Variants in GNAI1 observed in about 807,000 individuals in gnomAD.
The protein encoded by GNAI1 is guanine nucleotide-binding protein G(i) subunit alpha-1.
A neutral mutation model predicts 38.9 loss-of-function variants in GNAI1; 11 were observed. That is an observed-to-expected ratio of 0.28 (90% CI 0.18 to 0.47). The LOEUF (loss-of-function observed/expected upper bound fraction) is 0.47. GNAI1 is among the 20% of genes least tolerant of loss of function. The pLI, the probability that GNAI1 is intolerant of heterozygous loss-of-function variation, is 0.99. For synonymous variants in GNAI1, 166 were observed against 145.1 expected (o/e 1.14, Z -1.04); for missense variants, 317 against 436.9 (o/e 0.73, Z 2.45).
intron 1 of GNAI1, among the ~76,000 whole-genome samples, chr7:80,152,544 A>AT (rs772045930): frequency 5.5e-5 from 8 of 145,006 alleles, no homozygotes; most frequent in Non-Finnish European, 1.2e-4. Flanking sequence ...CTGGGGGTAG[A>AT]TTCGGTCTCA....
At chr7:80,197,356 T>G (rs553679801) in intron 3 of GNAI1, among the ~76,000 whole-genome samples, 23 of 152,082 alleles carry the variant, frequency 1.5e-4, no homozygotes, top group African/African-American at 4.8e-4. Context: ...TCTTAAGTCT[T>G]TACTTCAGGC....
intron 5 of GNAI1, 37 bp downstream of exon 5, chr7:80,203,869 A>G: frequency 8.8e-7 from 1 of 1,142,578 alleles, no homozygotes; most frequent in East Asian, 2.6e-5. Flanking sequence ...CTAAATTTAG[A>G]TAAAAACACA....
chr7:80,217,233 A>C, intron 7 of GNAI1, 70 bp from the exon 8 acceptor site: 10 of 1,034,810 alleles, frequency 9.7e-6, no homozygotes, highest in Non-Finnish European at 1.4e-5. Context: ...TATGTATGAA[A>C]CTGAATTCAG....
Position 80,221,656 on chromosome 7 carries a change from T to A in GNAI1, c.*4163T>A, listed in dbSNP as rs1348639425. On this transcript the variant is annotated 3_prime_UTR_variant, in exon 8 of 8. Transcript: ENST00000649796. The stretch of plus-strand genomic sequence containing the variant: ...ATTTTCTTTTTTTTTTTTTTTTTTT[T>A]TTTTTGGTATGGAGTCTTGCTCCTT... Among the ~76,000 whole-genome samples, 1 of 144,330 alleles carries A rather than the reference T, an allele frequency of 6.9e-6. No homozygotes were observed. Among genetic ancestry groups the A allele is most frequent in the African/African-American group, 2.6e-5 (1 of 38,470 alleles). 94.7% of individuals were successfully genotyped at this position (144,330 alleles called of 152,430 possible). A position where few individuals can be genotyped will look rare whatever the true frequency, so the allele number is the denominator to read the frequency against.
chr7:80,135,882 G>T, intron 1 of GNAI1: 1 of 985,404 alleles, frequency 1.0e-6, no homozygotes, highest in Non-Finnish European at 1.2e-6. Flanking sequence ...AGAAAAGGCT[G>T]CGCTGGATGC....
At chr7:80,136,028 G>T in intron 1 of GNAI1, 3 of 985,466 alleles carry the variant, frequency 3.0e-6, no homozygotes, top group Non-Finnish European at 3.6e-6. Context: ...AGACAACAGG[G>T]TTCTGTCTCC....
At position 80,154,431 on chromosome 7, in the gene GNAI1, A is replaced by G. The variant is rs56976168; in HGVS notation, c.118+19153A>G. Among the ~76,000 whole-genome samples the G allele has an allele frequency of 8.1e-3, 1,238 of 152,330 alleles. 25 individuals carry two copies. The highest frequency in any genetic ancestry group is 0.029 in the African/African-American group (1,197 of 41,570). On this transcript the variant is annotated intron_variant, in intron 1 of 7. Coordinates refer to ENST00000649796, the MANE Select transcript of GNAI1 (RefSeq NM_002069.6). ...CTTGGTGCACAGGGATTTTAGAAAT[A>G]AAGCTGTAATCTTCCCCAAGTTCTT...
intron 1 of GNAI1, among the ~76,000 whole-genome samples, chr7:80,141,289 C>T (rs1015867442): frequency 1.3e-5 from 2 of 152,152 alleles, no homozygotes; most frequent in South Asian, 2.1e-4. Context: ...CCAATACAGC[C>T]ACAACTGACT....
chr7:80,173,525 T>C (rs1353089368), intron 1 of GNAI1, among the ~76,000 whole-genome samples: 1 of 152,140 alleles, frequency 6.6e-6, no homozygotes, highest in African/African-American at 2.4e-5. Context: ...ACTTATATAG[T>C]GTTCAGATAA....
intron 1 of GNAI1, among the ~76,000 whole-genome samples, chr7:80,163,649 TC>T (rs1787961720): frequency 6.6e-6 from 1 of 152,228 alleles, no homozygotes; most frequent in South Asian, 2.1e-4. Context: ...ACAGTAGTTT[TC>T]CTTTTGTCTT....
chr7:80,181,447 T>G (rs987571842), intron 1 of GNAI1, among the ~76,000 whole-genome samples: 2 of 152,228 alleles, frequency 1.3e-5, no homozygotes, highest in Non-Finnish European at 2.9e-5. Flanking sequence ...AACACTGTAT[T>G]AAAATGTTTT....
At chr7:80,190,524 C>A (rs1262631070) in intron 3 of GNAI1, among the ~76,000 whole-genome samples, 6 of 151,976 alleles carry the variant, frequency 3.9e-5, no homozygotes, top group Admixed American at 3.9e-4. Flanking sequence ...TCAGAAAAGA[C>A]ATTTTAAAAG....
intron 1 of GNAI1, among the ~76,000 whole-genome samples, chr7:80,184,398 C>T (rs931116933): frequency 1.3e-5 from 2 of 152,134 alleles, no homozygotes; most frequent in African/African-American, 4.8e-5. Context: ...TTGGGGTGGG[C>T]TGTTCACATG....
At chr7:80,166,268 T>C (rs573755923) in intron 1 of GNAI1, among the ~76,000 whole-genome samples, 2 of 152,300 alleles carry the variant, frequency 1.3e-5, no homozygotes, top group South Asian at 4.1e-4. Context: ...CATCCTTGTA[T>C]TGGAAACATA....
At chr7:80,197,663 A>G (rs1788602834) in intron 3 of GNAI1, among the ~76,000 whole-genome samples, 1 of 152,050 alleles carries the variant, frequency 6.6e-6, no homozygotes, top group African/African-American at 2.4e-5. Flanking sequence ...AAACCATGTT[A>G]TGTGAGGTTT....
At chr7:80,180,502 T>C (rs1208250435) in intron 1 of GNAI1, among the ~76,000 whole-genome samples, 1 of 152,186 alleles carries the variant, frequency 6.6e-6, no homozygotes, top group African/African-American at 2.4e-5. Flanking sequence ...CTACCTAAAA[T>C]TCTGTAGCTT....
At chr7:80,172,835 C>G in intron 1 of GNAI1, among the ~76,000 whole-genome samples, 1 of 152,118 alleles carries the variant, frequency 6.6e-6, no homozygotes, top group East Asian at 1.9e-4. Flanking sequence ...AAAAAACTTT[C>G]ATCTTGCATG....
intron 1 of GNAI1, among the ~76,000 whole-genome samples, chr7:80,172,739 G>A (rs1349594627): frequency 2.6e-5 from 4 of 152,082 alleles, no homozygotes; most frequent in South Asian, 2.1e-4. Context: ...CTGTTCAGCG[G>A]CATTTTTTAG....
intron 1 of GNAI1, among the ~76,000 whole-genome samples, chr7:80,170,462 C>G (rs563980764): frequency 1.6e-4 from 24 of 152,190 alleles, no homozygotes; most frequent in African/African-American, 5.1e-4. Flanking sequence ...CTAATGGAGG[C>G]CTTATTAGTC....
Sources: gnomAD v4.1 joint callset for allele counts (sites outside exome capture counted in the v4.1 genomes callset) on GRCh38, gnomAD v4.1.1 for gene constraint, MANE v1.5 for transcripts, NCBI Gene and HGNC (gene_info 2026-07-23, HGNC 2026-07-21) for gene names.